PIK3AP1: variants seen among roughly 807,000 people sequenced by gnomAD.
PIK3AP1 encodes the protein phosphoinositide 3-kinase adapter protein 1.
A neutral mutation model predicts 88.1 loss-of-function variants in PIK3AP1; 21 were observed. That is an observed-to-expected ratio of 0.24 (90% CI 0.17 to 0.34). PIK3AP1 has a LOEUF of 0.34. Among genes scored for constraint, PIK3AP1 ranks in the 10% least tolerant of loss-of-function variants. The probability of loss-of-function intolerance (pLI) is 1.00; values close to 1 mark genes in which losing one functional copy is unlikely to be tolerated. For synonymous variants in PIK3AP1, 398 were observed against 400.0 expected (o/e 1.00, Z 0.06); for missense variants, 828 against 1,035.7 (o/e 0.80, Z 2.75).
intron 3 of PIK3AP1, 28 bp from the exon 4 acceptor site, chr10:96,652,870 C>A (rs1350215405): frequency 6.2e-7 from 1 of 1,607,168 alleles, no homozygotes; most frequent in African/African-American, 1.3e-5. Context: ...TCATTGTCCC[C>A]TCTCCCTCTC....
At chr10:96,705,647 G>A (rs1047421619) in intron 2 of PIK3AP1, among the ~76,000 whole-genome samples, 1 of 147,962 alleles carries the variant, frequency 6.8e-6, no homozygotes, top group Non-Finnish European at 1.5e-5. Flanking sequence ...CAGTGGCTCA[G>A]TCACAGCTCA....
intron 16 of PIK3AP1, among the ~76,000 whole-genome samples, chr10:96,601,916 C>G (rs1848903806): frequency 6.6e-6 from 1 of 152,122 alleles, no homozygotes; most frequent in Non-Finnish European, 1.5e-5. Flanking sequence ...GACAGTTTCT[C>G]TCTGTCACCC....
At chr10:96,684,306 A>G (rs1007485109) in intron 2 of PIK3AP1, among the ~76,000 whole-genome samples, 6 of 152,244 alleles carry the variant, frequency 3.9e-5, no homozygotes, top group Non-Finnish European at 5.9e-5. Flanking sequence ...AGTCTTGCAT[A>G]TTAAGTGTGA....
chr10:96,648,219 C>A (rs1044341281), intron 7 of PIK3AP1, among the ~76,000 whole-genome samples: 1 of 152,212 alleles, frequency 6.6e-6, no homozygotes. Flanking sequence ...CAGCTAGGAG[C>A]ATCCCACCAT....
At chr10:96,641,086 CGTGTGT>C (rs56816682) in intron 8 of PIK3AP1, among the ~76,000 whole-genome samples, 32,321 of 143,136 alleles carry the variant, frequency 0.23, 3,682 homozygotes, top group South Asian at 0.33. Context: ...GTGAGTGTGC[CGTGTGT>C]GTGTGTGTGT....
chr10:96,696,203 T>C (rs1039806870), intron 2 of PIK3AP1, among the ~76,000 whole-genome samples: 4 of 152,214 alleles, frequency 2.6e-5, no homozygotes, highest in Admixed American at 6.5e-5. Context: ...ACATTGTCAG[T>C]AAGAGACCAG....
In PIK3AP1 at chr10:96,652,720, G is replaced by A. The variant is rs2134235520; in HGVS notation, c.690C>T (p.Tyr230=). ...TACTGGGAGCCTTCACTGAAATGGTGTACTCATTCTCCACCTTGGCTTCCA... is the reference window on the plus strand; with the variant it reads ...TACTGGGAGCCTTCACTGAAATGGTATACTCATTCTCCACCTTGGCTTCCA... ...VRMEAKVENE[Y]TISVKAPNLS... The change falls in exon 4 of 17, where the codon TAC becomes TAT. Residue 230 remains tyrosine, a synonymous_variant. Transcript: ENST00000339364. The A allele has an allele frequency of 6.2e-7, 1 of 1,614,150 alleles. No individual in the cohort carries two copies. The highest frequency in any genetic ancestry group is 1.1e-5 in the South Asian group (1 of 91,086).
Position 96,602,516 on chromosome 10 carries a change from C to A in PIK3AP1, c.2242-118G>T. ...TTAGGCTGGGGCTGAAGGTTGTTTG[C>A]AAATTGATAATCAACCCAGCCATAC... On this transcript the variant is annotated intron_variant, in intron 15 of 16. Transcript: ENST00000339364. The A allele has an allele frequency of 1.6e-5, 13 of 811,342 alleles. No individual in the cohort carries two copies. The East Asian group carries it at 1.7e-4, about 11-fold the overall frequency. 50.3% of individuals were successfully genotyped at this position (811,342 alleles called of 1,614,324 possible). A position where few individuals can be genotyped will look rare whatever the true frequency, so the allele number is the denominator to read the frequency against.
intron 2 of PIK3AP1, among the ~76,000 whole-genome samples, chr10:96,680,841 C>T (rs1056779621): frequency 6.6e-6 from 1 of 152,192 alleles, no homozygotes; most frequent in Admixed American, 6.5e-5. Flanking sequence ...CTGTGCTGCA[C>T]TAGTTCAATT....
intron 2 of PIK3AP1, among the ~76,000 whole-genome samples, chr10:96,679,632 A>G (rs978724120): frequency 1.3e-5 from 2 of 152,158 alleles, no homozygotes; most frequent in African/African-American, 4.8e-5. Context: ...AGAAATCCCA[A>G]CTCAAAATGC....
At chr10:96,622,705 A>G (rs1457328763) in intron 11 of PIK3AP1, among the ~76,000 whole-genome samples, 25 of 152,206 alleles carry the variant, frequency 1.6e-4, no homozygotes. Flanking sequence ...GATGCCTTCA[A>G]ATGCTTAGAT....
intron 8 of PIK3AP1, among the ~76,000 whole-genome samples, chr10:96,629,534 C>T (rs2134210549): frequency 6.6e-6 from 1 of 151,378 alleles, no homozygotes; most frequent in East Asian, 1.9e-4. Context: ...ATATGCTACC[C>T]AAAGGGGGCA....
intron 8 of PIK3AP1, among the ~76,000 whole-genome samples, chr10:96,644,734 C>CA (rs1214734233): frequency 2.0e-5 from 3 of 152,106 alleles, no homozygotes; most frequent in Non-Finnish European, 4.4e-5. Context: ...CCTCGCCCCC[C>CA]AAAAAATCTG....
chr10:96,618,181 G>A (rs1843023322), intron 12 of PIK3AP1, among the ~76,000 whole-genome samples: 1 of 152,162 alleles, frequency 6.6e-6, no homozygotes, highest in African/African-American at 2.4e-5. Context: ...CAAGAGTTCT[G>A]GACCAGCTCA....
chr10:96,658,859 T>A (rs1843650265), intron 2 of PIK3AP1, among the ~76,000 whole-genome samples: 1 of 147,428 alleles, frequency 6.8e-6, no homozygotes, highest in Non-Finnish European at 1.5e-5. Flanking sequence ...CGATATGGTT[T>A]TTAGCTGGGC....
chr10:96,648,533 C>T, intron 7 of PIK3AP1, 126 bp downstream of exon 7: 1 of 1,030,366 alleles, frequency 9.7e-7, no homozygotes, highest in Non-Finnish European at 1.4e-6. Context: ...ACACATACTG[C>T]CCATGGCCAG....
Position 96,720,339 on chromosome 10 carries a change from G to A in PIK3AP1, c.13+43C>T. 1 of 1,242,916 alleles carries A rather than the reference G, an allele frequency of 8.0e-7. No homozygotes were observed. The highest frequency in any genetic ancestry group is 4.1e-5 in the South Asian group (1 of 24,356). The allele number at this position is 1,242,916 out of a possible 1,614,324, so 77.0% of individuals were successfully genotyped here. On this transcript the variant is annotated intron_variant, in intron 1 of 16. Transcript: ENST00000339364. The surrounding 1 kb of genome is among the most constrained non-coding windows in gnomAD (Gnocchi z 4.6). ...GCCTCAAGGGATGCGGGGTACGAGA[G>A]AGGGGCCGGGAGCCCGGGGACCCGC...
In PIK3AP1 at chr10:96,603,966, T is replaced by C. The variant is rs1283162856; in HGVS notation, c.2241+13A>G. The C allele has an allele frequency of 1.3e-6, 2 of 1,588,214 alleles. No homozygotes were observed. The highest frequency in any genetic ancestry group is 2.3e-5 in the South Asian group (2 of 87,908). ...CTAGGACAGGATAGGTGGGGTGGAG[T>C]CCCAGCTCTCACCTCGTTGTCCCCT... On this transcript the variant is annotated intron_variant, in intron 15 of 16. Coordinates refer to ENST00000339364, the MANE Select transcript of PIK3AP1 (RefSeq NM_152309.3).
At chr10:96,671,105 C>G (rs644302) in intron 2 of PIK3AP1, among the ~76,000 whole-genome samples, 150,673 of 152,352 alleles carry the variant, frequency 0.99, 74,529 homozygotes, top group East Asian at 1. Flanking sequence ...CTGGCTATTT[C>G]CTCAGAAATT....
Sources: gnomAD v4.1 joint callset for allele counts (sites outside exome capture counted in the v4.1 genomes callset) on GRCh38, gnomAD v4.1.1 for gene constraint, Gnocchi (gnomAD v3.1) non-coding constraint, MANE v1.5 for transcripts, NCBI Gene and HGNC (gene_info 2026-07-23, HGNC 2026-07-21) for gene names.